Variants in TMPRSS15 observed in about 807,000 individuals in gnomAD.
The protein encoded by TMPRSS15 is transmembrane serine protease 15, also known as enteropeptidase.
Under a neutral mutation model 125.3 loss-of-function variants are expected in TMPRSS15, and 128 were observed. That is an observed-to-expected ratio of 1.02 (90% CI 0.89 to 1.18). The LOEUF is 1.18. Among genes scored for constraint, TMPRSS15 ranks in the 50% most tolerant of loss-of-function variants. The pLI is 0.00. For synonymous variants in TMPRSS15, 446 were observed against 423.2 expected, an observed-to-expected ratio of 1.05 and a Z score of -0.66; for missense variants, 1,283 against 1,212.7, an observed-to-expected ratio of 1.06 and a Z score of -0.86.
intron 24 of TMPRSS15, among the ~76,000 whole-genome samples, chr21:18,272,519 T>A (rs11910808): frequency 2.0e-5 from 3 of 151,638 alleles, no homozygotes; most frequent in South Asian, 2.1e-4. Flanking sequence ...AGATCAGGAG[T>A]TCGAGATCAG....
chr21:18,296,061 G>A (rs2074903745), intron 19 of TMPRSS15, among the ~76,000 whole-genome samples: 1 of 152,186 alleles, frequency 6.6e-6, no homozygotes, highest in African/African-American at 2.4e-5. Context: ...GCTGAGGCAG[G>A]AGAATGGTGG....
At position 18,312,987 on chromosome 21, in the gene TMPRSS15, G is replaced by A; in HGVS notation, c.2123C>T (p.Thr708Ile). 6.2e-7 allele frequency: 1 copy of A among 1,613,782 alleles called. No individual in the cohort carries two copies. The highest frequency in any genetic ancestry group is 8.5e-7 in the Non-Finnish European group (1 of 1,179,796). Residue 708 changes from threonine (T) to isoleucine (I), a missense_variant, in exon 18 of 25, where the codon ACC becomes ATC. Coordinates refer to ENST00000284885, the MANE Select transcript of TMPRSS15 (RefSeq NM_002772.3). ...IWHTACAENW[T>I]TQISNDVCQL... ...ACAAACATCATTTGAAATCTGGGTG[G>A]TCCAGTTCTCAGCACAAGCTGTATG...
At position 18,281,115 on chromosome 21, in the gene TMPRSS15, T is replaced by G. The variant is rs1190348912; in HGVS notation, c.2593A>C (p.Asn865His). 1 of 1,614,094 alleles carries G rather than the reference T, an allele frequency of 6.2e-7. No individual in the cohort carries two copies. Among genetic ancestry groups the G allele is most frequent in the Non-Finnish European group, 8.5e-7 (1 of 1,179,974 alleles). The change falls in exon 22 of 25, where the codon AAC (asparagine) becomes CAC (histidine). Residue 865 changes from asparagine to histidine, a missense_variant. Asn to His is a moderately conservative substitution (Grantham distance 68, BLOSUM62 1). Transcript: ENST00000284885. Reference protein sequence around the residue: ...VPRLIDEIVINPHYNRRRKDN... With the variant: ...VPRLIDEIVIHPHYNRRRKDN... ...TTTCTTCGCCTATTGTAATGAGGGT[T>G]TATGACAATTTCATCTATTAATCGA...
At chr21:18,341,970 A>T (rs960611251) in intron 12 of TMPRSS15, among the ~76,000 whole-genome samples, 8 of 152,214 alleles carry the variant, frequency 5.3e-5, no homozygotes, top group African/African-American at 1.9e-4. Context: ...TTCTTAGAGC[A>T]TACAAAGCCT....
At chr21:18,454,768 A>T (rs1978408745) in intron 1 of TMPRSS15, among the ~76,000 whole-genome samples, 1 of 152,106 alleles carries the variant, frequency 6.6e-6, no homozygotes, top group South Asian at 2.1e-4. Context: ...GCCTGTTCTC[A>T]TTGGTAAGGG....
In TMPRSS15 at chr21:18,326,463, G is replaced by A. The variant is rs149895112; in HGVS notation, c.1890C>T (p.Asn630=). Residue 630 remains asparagine, a synonymous_variant, in exon 16 of 25, where the codon AAC becomes AAT. Coordinates refer to ENST00000284885, the MANE Select transcript of TMPRSS15 (RefSeq NM_002772.3). ...TCCCCAAGTGATAGCCAGTAGTAAA[G>A]TTTGCTTTAAACCCTCCTCTTGCCA... The part of the protein sequence containing the change: ...DVLARGGFKA[N]FTTGYHLGIP... 16 of 1,614,040 alleles carry A rather than the reference G, an allele frequency of 9.9e-6. No homozygotes were observed. The African/African-American group carries it at 1.6e-4, about 16-fold the overall frequency.
chr21:18,359,968 TATG>T, intron 7 of TMPRSS15, 105 bp from the exon 8 acceptor site: 4 of 629,860 alleles, frequency 6.4e-6, no homozygotes, highest in Non-Finnish European at 2.9e-6. Flanking sequence ...CACCACATAA[TATG>T]ATATCTACTC....
chr21:18,326,431 C>T lies in TMPRSS15; in HGVS notation c.1921+1G>A. The T allele has an allele frequency of 1.2e-6, 2 of 1,614,108 alleles. No homozygotes were observed. The highest frequency in any genetic ancestry group is 2.2e-5 in the East Asian group (1 of 44,874). On this transcript the variant is annotated splice_donor_variant, in intron 16 of 24. Transcript: ENST00000284885. LOFTEE classifies it high-confidence loss of function. ...GCAATGTGTGATTTATGGGCTCCTA[C>T]CTGGAATCCCCAAGTGATAGCCAGT...
intron 16 of TMPRSS15, among the ~76,000 whole-genome samples, chr21:18,321,684 T>C (rs1211263090): frequency 6.6e-6 from 1 of 152,194 alleles, no homozygotes; most frequent in East Asian, 1.9e-4. Flanking sequence ...TTATAATTTT[T>C]TCTAAAAGAA....
intron 1 of TMPRSS15, among the ~76,000 whole-genome samples, chr21:18,414,125 T>C (rs1389453472): frequency 2.0e-5 from 3 of 152,154 alleles, no homozygotes; most frequent in Non-Finnish European, 4.4e-5. Context: ...TTATTTCTCC[T>C]TTTTATTTCC....
At chr21:18,357,588 A>G (rs2075638546) in intron 8 of TMPRSS15, among the ~76,000 whole-genome samples, 2 of 151,864 alleles carry the variant, frequency 1.3e-5, no homozygotes, top group South Asian at 4.1e-4. Flanking sequence ...TTGGAATTTA[A>G]TGAAAGCAAA....
chr21:18,353,719 T>G lies in TMPRSS15; in HGVS notation c.1021+4A>C, dbSNP rs1417604724. 2 of 1,608,288 alleles carry G rather than the reference T, an allele frequency of 1.2e-6. No homozygotes were observed. The highest frequency in any genetic ancestry group is 2.2e-5 in the South Asian group (2 of 90,058). On this transcript the variant is annotated splice_donor_region_variant and intron_variant, in intron 9 of 24. Transcript: ENST00000284885. ...TAAAAAGCCAAAAAATAAATAATAC[T>G]TACTATTAAGCTCACTGCTGTTAAA...
intron 13 of TMPRSS15, 136 bp from the exon 14 acceptor site, chr21:18,332,309 GT>G: frequency 1.3e-6 from 1 of 750,670 alleles, no homozygotes. Flanking sequence ...TCATGTTAGG[GT>G]AAATGCTGCA....
At chr21:18,383,921 AATCTT>A (rs1216104553) in intron 3 of TMPRSS15, 143 bp from the exon 4 acceptor site, 1 of 971,616 alleles carries the variant, frequency 1.0e-6, no homozygotes, top group Non-Finnish European at 1.5e-6. Flanking sequence ...AGTCACTTCA[AATCTT>A]ATCTTTATTT....
Position 18,305,349 on chromosome 21 carries a change from C to T in TMPRSS15, c.2166-7520G>A, listed in dbSNP as rs370994795. Among the ~76,000 whole-genome samples, 9 of 152,010 alleles carry T rather than the reference C, an allele frequency of 5.9e-5. No homozygotes were observed. The East Asian group carries it at 9.7e-4, about 16-fold the overall frequency. On this transcript the variant is annotated intron_variant, in intron 18 of 24. Coordinates refer to ENST00000284885, the MANE Select transcript of TMPRSS15 (RefSeq NM_002772.3). ...GACTACAGGCGCCCGCCACCGCGCC[C>T]GGCTAATTTTTTGTATTTTTAGTAG...
At chr21:18,408,380 C>T (rs1601452291), upstream of TMPRSS15, among the ~76,000 whole-genome samples, 1 of 152,092 alleles carries the variant, frequency 6.6e-6, no homozygotes, top group Non-Finnish European at 1.5e-5. Flanking sequence ...ATAAATATCT[C>T]TAATACAGTT....
Position 18,398,077 on chromosome 21 carries a change from T to C in TMPRSS15, c.276+122A>G, listed in dbSNP as rs1368154897. 3.1e-6 allele frequency: 4 copies of C among 1,299,292 alleles called. No individual in the cohort carries two copies. The South Asian group carries it at 3.7e-5, about 12-fold the overall frequency. 80.5% of individuals were successfully genotyped at this position (1,299,292 alleles called of 1,614,324 possible). A position where few individuals can be genotyped will look rare whatever the true frequency, so the allele number is the denominator to read the frequency against. ...ATTTTCTCCATAGTAATGGGGCTCA[T>C]ACATTTGAGTATCTTGGGCATATTA... On this transcript the variant is annotated intron_variant, in intron 2 of 24. Transcript: ENST00000284885.
chr21:18,297,512 T>C (rs933963066), intron 19 of TMPRSS15, among the ~76,000 whole-genome samples: 1 of 152,178 alleles, frequency 6.6e-6, no homozygotes, highest in Admixed American at 6.5e-5. Context: ...GAAATTTACA[T>C]ACAGAATATT....
rs1341939485 is a variant in TMPRSS15, at chr21:18,329,129, G to A, written c.1780+40C>T. On this transcript the variant is annotated intron_variant, in intron 15 of 24. Transcript: ENST00000284885. ...GCTCTTTCCATCAGCACAACATCTT[G>A]AGCTTTACAACCTTTACAATATTCA... 5 of 1,608,774 alleles carry A rather than the reference G, an allele frequency of 3.1e-6. No homozygotes were observed. In the South Asian group the frequency reaches 3.3e-5, roughly 11 times the overall value.
Sources: gnomAD v4.1 joint callset for allele counts (sites outside exome capture counted in the v4.1 genomes callset) on GRCh38, gnomAD v4.1.1 for gene constraint, MANE v1.5 for transcripts, NCBI Gene and HGNC (gene_info 2026-07-23, HGNC 2026-07-21) for gene names.